Variants in GALNTL6 observed in about 807,000 individuals in gnomAD.
GALNTL6 encodes the protein polypeptide N-acetylgalactosaminyltransferase like 6.
In GALNTL6, 46 loss-of-function variants were observed where a neutral mutation model predicts 73.7. The ratio of observed to expected loss-of-function variants is 0.62; its 90% CI spans 0.49 to 0.80. The LOEUF (loss-of-function observed/expected upper bound fraction) is 0.80, where lower values mean the gene tolerates loss of function less well. GALNTL6 is among the 30% of genes least tolerant of loss of function. The pLI is 0.00. For missense variants in GALNTL6, 604 were observed against 755.0 expected (o/e 0.80, Z 2.34); for synonymous variants, 259 against 263.7 (o/e 0.98, Z 0.17).
intron 9 of GALNTL6, among the ~76,000 whole-genome samples, chr4:172,944,605 A>G (rs1051492490): frequency 1.3e-5 from 2 of 152,168 alleles, no homozygotes; most frequent in Non-Finnish European, 2.9e-5. Flanking sequence ...CCACTTCAAG[A>G]TTTTTATCCA....
intron 5 of GALNTL6, among the ~76,000 whole-genome samples, chr4:172,801,092 C>T (rs1307960473): frequency 1.3e-5 from 2 of 152,034 alleles, no homozygotes; most frequent in African/African-American, 2.4e-5. Context: ...TAAGAAAATA[C>T]TGTGGAAAGG....
At chr4:172,673,681 ATAGT>A (rs1446055968) in intron 5 of GALNTL6, among the ~76,000 whole-genome samples, 2 of 152,154 alleles carry the variant, frequency 1.3e-5, no homozygotes, top group African/African-American at 2.4e-5. Context: ...TATATTTATG[ATAGT>A]TAGATCTTCT....
chr4:172,444,416 C>T (rs957128723), intron 5 of GALNTL6, among the ~76,000 whole-genome samples: 3 of 152,062 alleles, frequency 2.0e-5, no homozygotes, highest in Non-Finnish European at 2.9e-5. Flanking sequence ...GTGACTGTGG[C>T]CCCCAACATC....
At chr4:172,186,608 A>G (rs770929542) in intron 2 of GALNTL6, among the ~76,000 whole-genome samples, 16 of 152,134 alleles carry the variant, frequency 1.1e-4, no homozygotes, top group Non-Finnish European at 2.1e-4. Context: ...GATACATGCT[A>G]CAATGTGTAT....
intron 2 of GALNTL6, among the ~76,000 whole-genome samples, chr4:172,034,423 T>A (rs1207959889): frequency 7.0e-6 from 1 of 143,156 alleles, no homozygotes; most frequent in Non-Finnish European, 1.5e-5. Flanking sequence ...TGTGTGTGTG[T>A]GTGTGTGTGT....
At chr4:171,908,304 A>C (rs534790977) in intron 2 of GALNTL6, among the ~76,000 whole-genome samples, 3 of 152,310 alleles carry the variant, frequency 2.0e-5, no homozygotes, top group East Asian at 3.9e-4. Context: ...TACAAGAAAA[A>C]AAACAAACAA....
chr4:172,786,816 A>G (rs57474026), intron 5 of GALNTL6, among the ~76,000 whole-genome samples: 2,299 of 152,322 alleles, frequency 0.015, 66 homozygotes, highest in African/African-American at 0.053. Flanking sequence ...TGAAGGTCCA[A>G]AATTTTATTG....
At chr4:172,602,025 GA>G (rs1560829994) in intron 5 of GALNTL6, among the ~76,000 whole-genome samples, 1 of 151,746 alleles carries the variant, frequency 6.6e-6, no homozygotes, top group Admixed American at 6.6e-5. Flanking sequence ...GACGTCATCA[GA>G]AAAAACCAAT....
chr4:172,805,729 T>C (rs1365774767), intron 5 of GALNTL6, among the ~76,000 whole-genome samples: 2 of 152,220 alleles, frequency 1.3e-5, no homozygotes, highest in African/African-American at 2.4e-5. Context: ...TAGAAAATTA[T>C]ATTTAAAATC....
chr4:171,881,742 T>C (rs955239805), intron 2 of GALNTL6, among the ~76,000 whole-genome samples: 5 of 152,256 alleles, frequency 3.3e-5, no homozygotes, highest in Non-Finnish European at 5.9e-5. Flanking sequence ...GAAAGTTTGA[T>C]GTTACTAAAC....
At chr4:172,895,102 C>A (rs914188966) in intron 8 of GALNTL6, among the ~76,000 whole-genome samples, 5 of 151,372 alleles carry the variant, frequency 3.3e-5, no homozygotes, top group African/African-American at 1.2e-4. Context: ...AAGTGAGTTT[C>A]TTATAGGCAG....
At chr4:171,851,103 G>A (rs543325634) in intron 2 of GALNTL6, among the ~76,000 whole-genome samples, 10 of 152,254 alleles carry the variant, frequency 6.6e-5, no homozygotes, top group African/African-American at 1.9e-4. Context: ...AGATAGGAAC[G>A]AACTTGAATG....
intron 2 of GALNTL6, among the ~76,000 whole-genome samples, chr4:172,105,459 A>G (rs1732649925): frequency 6.6e-6 from 1 of 152,004 alleles, no homozygotes; most frequent in Non-Finnish European, 1.5e-5. Context: ...TTTTTTTTTA[A>G]TTATAGAAAC....
intron 2 of GALNTL6, among the ~76,000 whole-genome samples, chr4:172,091,400 C>G (rs1732198847): frequency 6.6e-6 from 1 of 152,102 alleles, no homozygotes; most frequent in African/African-American, 2.4e-5. Flanking sequence ...GGGTGAATAC[C>G]TCTCTTCTTG....
At chr4:172,613,646 TATAA>T (rs1173951943) in intron 5 of GALNTL6, among the ~76,000 whole-genome samples, 1 of 152,158 alleles carries the variant, frequency 6.6e-6, no homozygotes, top group African/African-American at 2.4e-5. Flanking sequence ...TTTTGGAATT[TATAA>T]ATATTATGCC....
chr4:172,578,031 A>T (rs1716017581), intron 5 of GALNTL6, among the ~76,000 whole-genome samples: 1 of 152,216 alleles, frequency 6.6e-6, no homozygotes, highest in Non-Finnish European at 1.5e-5. Flanking sequence ...ATACTTCCAA[A>T]GTACCCTCAC....
chr4:172,613,119 A>T (rs534371186), intron 5 of GALNTL6, among the ~76,000 whole-genome samples: 1 of 152,160 alleles, frequency 6.6e-6, no homozygotes, highest in Admixed American at 6.6e-5. Flanking sequence ...AAGGTAGATA[A>T]GGCCTCAGCC....
intron 2 of GALNTL6, among the ~76,000 whole-genome samples, chr4:171,927,000 T>G (rs1210119902): frequency 6.6e-6 from 1 of 152,104 alleles, no homozygotes; most frequent in East Asian, 1.9e-4. Context: ...TCTTTTAGAA[T>G]GTTTAGTTTA....
intron 5 of GALNTL6, among the ~76,000 whole-genome samples, chr4:172,424,038 T>G (rs1052061546): frequency 6.6e-6 from 1 of 152,062 alleles, no homozygotes; most frequent in Admixed American, 6.6e-5. Flanking sequence ...AAAGATTTTG[T>G]AGGTGATGGA....
Sources: allele counts gnomAD v4.1 joint callset (sites outside exome capture counted in the v4.1 genomes callset), GRCh38; gene constraint gnomAD v4.1.1; transcripts MANE v1.5; gene names NCBI Gene and HGNC (gene_info 2026-07-23, HGNC 2026-07-21).